DCLK1: variants seen among roughly 807,000 people sequenced by gnomAD.
DCLK1 encodes serine/threonine-protein kinase DCLK1.
DCLK1 carries 16 observed loss-of-function variants against 86.2 expected under a neutral mutation model. That is an observed-to-expected ratio of 0.19 (90% confidence interval 0.13 to 0.28). The LOEUF is 0.28. Among genes scored for constraint, DCLK1 ranks in the 10% least tolerant of loss-of-function variants. The pLI, the probability that DCLK1 is intolerant of heterozygous loss-of-function variation, is 1.00. For missense variants in DCLK1, 590 were observed against 940.2 expected, an observed-to-expected ratio of 0.63 and a Z score of 4.87; for synonymous variants, 369 against 370.5, an observed-to-expected ratio of 1.00 and a Z score of 0.05.
intron 4 of DCLK1, among the ~76,000 whole-genome samples, chr13:35,928,928 T>C (rs1434147314): frequency 6.6e-6 from 1 of 152,152 alleles, no homozygotes; most frequent in Non-Finnish European, 1.5e-5. Flanking sequence ...CAGCTCACTT[T>C]TCTATACACT....
At chr13:36,021,311 A>G (rs1881771416) in intron 3 of DCLK1, among the ~76,000 whole-genome samples, 1 of 137,268 alleles carries the variant, frequency 7.3e-6, no homozygotes, top group Non-Finnish European at 1.6e-5. Flanking sequence ...TATTTAATTG[A>G]AAAAAAAAGT....
In DCLK1 at chr13:35,822,892, A is replaced by AG. The variant is rs758926171; in HGVS notation, c.1408-18dup. On this transcript the variant is annotated splice_polypyrimidine_tract_variant and intron_variant, in intron 10 of 16. Transcript: ENST00000360631. ...GTCTCCCCCCTGAGAAGAGAACAGA[A>AG]GCTGAAGCAGCACATTAACAGACGG... The AG allele has an allele frequency of 5.0e-6, 8 of 1,613,524 alleles. No individual in the cohort carries two copies. In the South Asian group the frequency reaches 8.8e-5, roughly 18 times the overall value.
rs74626229 is a variant in DCLK1, at chr13:36,054,506, C to T, written c.723+57363G>A. Among the ~76,000 whole-genome samples, 902 of 152,238 alleles carry T rather than the reference C, an allele frequency of 5.9e-3. 9 individuals are homozygous for T. Among genetic ancestry groups the T allele is most frequent in the African/African-American group, 0.021 (852 of 41,540 alleles). ...AATAACTAAACACTGAGTTGAGAAA[C>T]TTCCATTCTACTTGGGAGAGGGGTA... On this transcript the variant is annotated intron_variant, in intron 3 of 16. Coordinates refer to ENST00000360631, the MANE Select transcript of DCLK1 (RefSeq NM_001330071.2).
intron 6 of DCLK1, chr13:35,846,389 A>G (rs1870178453): frequency 1.0e-6 from 1 of 985,272 alleles, no homozygotes; most frequent in African/African-American, 1.7e-5. Flanking sequence ...ACTTTTAGAT[A>G]TCTACTACCC....
chr13:35,972,161 C>T (rs1409325498), intron 3 of DCLK1, among the ~76,000 whole-genome samples: 6 of 152,176 alleles, frequency 3.9e-5, no homozygotes, highest in Non-Finnish European at 8.8e-5. Context: ...ACCACCTAGA[C>T]ATTTCTCTCC....
chr13:35,981,889 C>T (rs2153141725), intron 3 of DCLK1, among the ~76,000 whole-genome samples: 1 of 152,144 alleles, frequency 6.6e-6, no homozygotes, highest in African/African-American at 2.4e-5. Context: ...GTGGCTGCAC[C>T]ATTTTGCATT....
chr13:35,887,198 T>G (rs1873323484), intron 4 of DCLK1, among the ~76,000 whole-genome samples: 1 of 152,222 alleles, frequency 6.6e-6, no homozygotes, highest in Non-Finnish European at 1.5e-5. Context: ...TTGGGGAAAT[T>G]ACAGGTGATC....
At chr13:35,850,396 C>T in intron 6 of DCLK1, 1 of 1,028,602 alleles carries the variant, frequency 9.7e-7, no homozygotes, top group Non-Finnish European at 1.2e-6. Context: ...CTCTATATTG[C>T]CACATGGTTA....
chr13:35,806,845 T>C (rs1296970631), intron 14 of DCLK1, among the ~76,000 whole-genome samples: 6 of 152,206 alleles, frequency 3.9e-5, no homozygotes, highest in Admixed American at 3.9e-4. Flanking sequence ...CCATCTCCTT[T>C]AGCCTGCGCC....
intron 4 of DCLK1, among the ~76,000 whole-genome samples, chr13:35,931,285 C>T (rs2153128981): frequency 6.6e-6 from 1 of 152,216 alleles, no homozygotes; most frequent in Non-Finnish European, 1.5e-5. Context: ...AATTTGGATG[C>T]TTAAAGTTCT....
intron 3 of DCLK1, among the ~76,000 whole-genome samples, chr13:35,974,947 G>A (rs1324293032): frequency 6.6e-6 from 1 of 152,212 alleles, no homozygotes; most frequent in African/African-American, 2.4e-5. Flanking sequence ...TACCAGGAAT[G>A]GTGCTAAGAA....
At chr13:35,857,346 CAT>C (rs1182400858) in intron 5 of DCLK1, among the ~76,000 whole-genome samples, 1 of 152,148 alleles carries the variant, frequency 6.6e-6, no homozygotes. Flanking sequence ...TGAACACAAA[CAT>C]ACAGCTACAG....
intron 14 of DCLK1, among the ~76,000 whole-genome samples, chr13:35,806,254 G>A (rs1264039173): frequency 6.6e-6 from 1 of 152,132 alleles, no homozygotes. Flanking sequence ...TATGAGGAAA[G>A]ACATAGAATT....
chr13:35,854,206 GC>G (rs1444954001), intron 6 of DCLK1, among the ~76,000 whole-genome samples: 2 of 152,138 alleles, frequency 1.3e-5, no homozygotes, highest in Non-Finnish European at 2.9e-5. Flanking sequence ...AACTAAGAAG[GC>G]TTACAAACTA....
chr13:35,946,755 C>G (rs1160042347), intron 4 of DCLK1, among the ~76,000 whole-genome samples: 1 of 152,150 alleles, frequency 6.6e-6, no homozygotes, highest in Non-Finnish European at 1.5e-5. Context: ...AAATATCATT[C>G]TTAAAGCCAC....
In DCLK1 at chr13:35,831,147, C is replaced by T. The variant is rs181139347; in HGVS notation, c.1230-2840G>A. Among the ~76,000 whole-genome samples the T allele has an allele frequency of 2.9e-3, 446 of 152,236 alleles. 3 individuals carry two copies. Among genetic ancestry groups the T allele is most frequent in the African/African-American group, 0.01 (434 of 41,546 alleles). On this transcript the variant is annotated intron_variant, in intron 8 of 16. Transcript: ENST00000360631. ...TGTGGATTTCCACTATACAACCTTT[C>T]GTAATAGGATTAAACCTTCCATTAC...
intron 4 of DCLK1, among the ~76,000 whole-genome samples, chr13:35,921,311 T>C (rs1875787391): frequency 6.6e-6 from 1 of 152,108 alleles, no homozygotes; most frequent in African/African-American, 2.4e-5. Context: ...CAAGTGTGTG[T>C]TCCCTGTACC....
At chr13:35,854,631 A>G (rs777523874) in intron 5 of DCLK1, 38 bp from the exon 6 acceptor site, 1 of 1,495,814 alleles carries the variant, frequency 6.7e-7, no homozygotes, top group Non-Finnish European at 9.0e-7. Flanking sequence ...GAAAAATGGC[A>G]CGTTAAATAA....
At chr13:35,834,503 T>C (rs940063918) in intron 8 of DCLK1, among the ~76,000 whole-genome samples, 2 of 152,206 alleles carry the variant, frequency 1.3e-5, no homozygotes, top group African/African-American at 2.4e-5. Context: ...GTTTTCTATC[T>C]ATAACGTGGA....
Sources: gnomAD v4.1 joint callset for allele counts (sites outside exome capture counted in the v4.1 genomes callset) on GRCh38, gnomAD v4.1.1 for gene constraint, MANE v1.5 for transcripts, NCBI Gene and HGNC (gene_info 2026-07-23, HGNC 2026-07-21) for gene names.